RBMS3: variants seen among roughly 807,000 people sequenced by gnomAD.
The protein encoded by RBMS3 is RNA-binding motif, single-stranded-interacting protein 3.
Under a neutral mutation model 66.8 loss-of-function variants are expected in RBMS3, and 27 were observed. The observed-to-expected ratio is 0.40, with a 90% CI of 0.30 to 0.56. The LOEUF (loss-of-function observed/expected upper bound fraction) is 0.56. Among genes scored for constraint, RBMS3 ranks in the 20% least tolerant of loss-of-function variants. The pLI, the probability that RBMS3 is intolerant of heterozygous loss-of-function variation, is 0.40. For synonymous variants in RBMS3, 188 were observed against 183.0 expected (o/e 1.03, Z -0.22); for missense variants, 513 against 549.5 (o/e 0.93, Z 0.66).
intron 4 of RBMS3, among the ~76,000 whole-genome samples, chr3:29,727,612 A>G (rs182236130): frequency 2.6e-5 from 4 of 152,332 alleles, no homozygotes; most frequent in South Asian, 2.1e-4. Flanking sequence ...AAAAAAGGTC[A>G]TCATCACTGG....
chr3:29,757,241 T>C (rs958239425), intron 5 of RBMS3, among the ~76,000 whole-genome samples: 2 of 152,238 alleles, frequency 1.3e-5, no homozygotes, highest in African/African-American at 4.8e-5. Flanking sequence ...CCAAGGGTTT[T>C]AGAAGCTGTG....
At chr3:29,426,230 A>G (rs2040953414) in intron 1 of RBMS3, among the ~76,000 whole-genome samples, 1 of 152,230 alleles carries the variant, frequency 6.6e-6, no homozygotes, top group African/African-American at 2.4e-5. Context: ...TAAAAGAAGA[A>G]TTGGGCAAAG....
At chr3:29,639,830 T>A (rs2049628436) in intron 4 of RBMS3, among the ~76,000 whole-genome samples, 2 of 151,868 alleles carry the variant, frequency 1.3e-5, no homozygotes, top group Admixed American at 1.3e-4. Context: ...GGCCAGATAT[T>A]TTTTAAAGGG....
intron 6 of RBMS3, among the ~76,000 whole-genome samples, chr3:29,788,827 A>T (rs2056911875): frequency 6.6e-6 from 1 of 152,136 alleles, no homozygotes; most frequent in Admixed American, 6.5e-5. Flanking sequence ...TATTTTCCTC[A>T]TAGGTTATCC....
intron 5 of RBMS3, among the ~76,000 whole-genome samples, chr3:29,760,434 C>G (rs774639984): frequency 1.3e-5 from 2 of 151,996 alleles, no homozygotes; most frequent in Non-Finnish European, 2.9e-5. Flanking sequence ...AGAGATTGAA[C>G]AGGGAGGGGG....
intron 4 of RBMS3, among the ~76,000 whole-genome samples, chr3:29,595,556 C>A (rs75711254): frequency 6.6e-6 from 1 of 152,110 alleles, no homozygotes; most frequent in Non-Finnish European, 1.5e-5. Flanking sequence ...GAATAGTCTT[C>A]ATTCATGGCT....
chr3:29,377,701 T>C (rs545267758), intron 1 of RBMS3, among the ~76,000 whole-genome samples: 1 of 152,350 alleles, frequency 6.6e-6, no homozygotes, highest in East Asian at 1.9e-4. Flanking sequence ...ATCACTGTTA[T>C]CAGGGCAGTC....
At chr3:29,444,788 C>CTTTTTTTTTTTTGTTTTTTT (rs2041758969) in intron 2 of RBMS3, among the ~76,000 whole-genome samples, 1 of 50,488 alleles carries the variant, frequency 2.0e-5, no homozygotes, top group Non-Finnish European at 3.8e-5. Context: ...AAATATATGC[C>CTTTTTTTTTTTTGTTTTTTT]TTTTTTTTTT....
At chr3:29,656,393 T>G (rs2149221005) in intron 4 of RBMS3, among the ~76,000 whole-genome samples, 1 of 152,338 alleles carries the variant, frequency 6.6e-6, no homozygotes, top group African/African-American at 2.4e-5. Context: ...TACAGTAACA[T>G]GCTATACAAG....
chr3:29,961,565 G>T (rs1413458557), intron 12 of RBMS3, among the ~76,000 whole-genome samples: 3 of 152,056 alleles, frequency 2.0e-5, no homozygotes, highest in Non-Finnish European at 4.4e-5. Flanking sequence ...AAGGAAAAAG[G>T]TTTAATTCAC....
intron 6 of RBMS3, among the ~76,000 whole-genome samples, chr3:29,844,660 C>T (rs1419164361): frequency 6.6e-6 from 1 of 152,134 alleles, no homozygotes; most frequent in Admixed American, 6.5e-5. Context: ...ATTTTTGATT[C>T]AAACAATCCA....
intron 5 of RBMS3, among the ~76,000 whole-genome samples, chr3:29,758,779 G>A (rs17551079): frequency 0.28 from 42,015 of 152,094 alleles, 5,967 homozygotes; most frequent in South Asian, 0.36. Context: ...GTCAGAAGCA[G>A]TGCAGAGTTT....
intron 6 of RBMS3, among the ~76,000 whole-genome samples, chr3:29,771,060 A>G (rs969120525): frequency 2.0e-4 from 31 of 152,024 alleles, no homozygotes; most frequent in African/African-American, 7.5e-4. Context: ...TGCAAAACAT[A>G]AGAAAATATT....
intron 1 of RBMS3, among the ~76,000 whole-genome samples, chr3:29,419,006 G>A (rs949996661): frequency 6.6e-6 from 1 of 152,072 alleles, no homozygotes; most frequent in African/African-American, 2.4e-5. Context: ...GTCACTCTGG[G>A]TAGTAAAATG....
intron 3 of RBMS3, among the ~76,000 whole-genome samples, chr3:29,540,817 T>G (rs1275682414): frequency 6.6e-6 from 1 of 152,196 alleles, no homozygotes; most frequent in Non-Finnish European, 1.5e-5. Flanking sequence ...AGAAAACTGC[T>G]AGCTATACCC....
chr3:29,485,323 C>A (rs1374190164), intron 2 of RBMS3, among the ~76,000 whole-genome samples: 1 of 151,958 alleles, frequency 6.6e-6, no homozygotes. Flanking sequence ...ATTATGAAAA[C>A]TCAAAAATGT....
At chr3:29,448,169 A>G (rs536975328) in intron 2 of RBMS3, among the ~76,000 whole-genome samples, 39 of 152,352 alleles carry the variant, frequency 2.6e-4, no homozygotes, top group Non-Finnish European at 5.3e-4. Context: ...TGCGTGTTTT[A>G]TTGCATATTA....
chr3:29,524,068 C>G (rs985875814), intron 3 of RBMS3, among the ~76,000 whole-genome samples: 2 of 152,042 alleles, frequency 1.3e-5, no homozygotes, highest in Non-Finnish European at 2.9e-5. Flanking sequence ...CAGTACAACC[C>G]TATGAGCTTC....
chr3:29,359,404 A>G (rs1181250754), intron 1 of RBMS3, among the ~76,000 whole-genome samples: 2 of 152,144 alleles, frequency 1.3e-5, no homozygotes. Context: ...AGCCCACTTG[A>G]TCATGGTGGA....
Sources: gnomAD v4.1 joint callset for allele counts (sites outside exome capture counted in the v4.1 genomes callset) on GRCh38, gnomAD v4.1.1 for gene constraint, MANE v1.5 for transcripts, NCBI Gene and HGNC (gene_info 2026-07-23, HGNC 2026-07-21) for gene names.